ANKHD1: variants seen among roughly 807,000 people sequenced by gnomAD.
ANKHD1 encodes ankyrin repeat and KH domain-containing protein 1.
A neutral mutation model predicts 230.5 loss-of-function variants in ANKHD1; 31 were observed. That is an observed-to-expected ratio of 0.13 (90% CI 0.10 to 0.18). The LOEUF is 0.18. ANKHD1 is among the 10% of genes least tolerant of loss of function. The pLI, the probability that ANKHD1 is intolerant of heterozygous loss-of-function variation, is 1.00. For synonymous variants in ANKHD1, 1,074 were observed against 1,117.6 expected (o/e 0.96, Z 0.78); for missense variants, 2,256 against 3,071.3 (o/e 0.73, Z 6.27).
At chr5:140,470,884 C>T (rs1333375774) in intron 10 of ANKHD1, among the ~76,000 whole-genome samples, 1 of 152,082 alleles carries the variant, frequency 6.6e-6, no homozygotes, top group Non-Finnish European at 1.5e-5. Flanking sequence ...ACCTTAGCTT[C>T]CCAAGTTACT....
intron 14 of ANKHD1, among the ~76,000 whole-genome samples, chr5:140,494,430 G>A (rs540557983): frequency 4.6e-4 from 70 of 152,250 alleles, no homozygotes; most frequent in African/African-American, 1.6e-3. Flanking sequence ...AACATAGCAA[G>A]ATCCCATCTC....
intron 29 of ANKHD1, among the ~76,000 whole-genome samples, chr5:140,531,740 C>T (rs539603421): frequency 1.6e-4 from 25 of 152,120 alleles, no homozygotes; most frequent in African/African-American, 5.5e-4. Flanking sequence ...CATATGATCC[C>T]ATTATTCTAC....
At chr5:140,522,668 G>T (rs551000120) in intron 24 of ANKHD1, among the ~76,000 whole-genome samples, 1 of 152,068 alleles carries the variant, frequency 6.6e-6, no homozygotes, top group Admixed American at 6.6e-5. Context: ...TTATTTCTCT[G>T]GAGCATGTAC....
Position 140,485,040 on chromosome 5 carries a change from CA to C in ANKHD1, c.1871-75del, listed in dbSNP as rs1561787286. 1.3e-6 allele frequency: 2 copies of C among 1,496,990 alleles called. No individual in the cohort carries two copies. The highest frequency in any genetic ancestry group is 8.9e-7 in the Non-Finnish European group (1 of 1,117,360). The allele number at this position is 1,496,990 out of a possible 1,614,324, so 92.7% of individuals were successfully genotyped here. ...TTTTTTGTATCTACATTATACTTCA[CA>C]AAAAATTTTTAAATGATATTGACTA... is the stretch of plus-strand genomic sequence containing the variant. On this transcript the variant is annotated intron_variant, in intron 11 of 33. Transcript: ENST00000360839. This position sits in a 1 kb window ranked among gnomAD's most constrained non-coding sequence, Gnocchi z 4.8.
intron 1 of ANKHD1, among the ~76,000 whole-genome samples, chr5:140,433,607 GTCTT>G (rs1773225007): frequency 6.6e-6 from 1 of 152,068 alleles, no homozygotes; most frequent in Non-Finnish European, 1.5e-5. Flanking sequence ...AGTTGTTGGA[GTCTT>G]TCTTATTTCT....
intron 29 of ANKHD1, among the ~76,000 whole-genome samples, chr5:140,534,108 T>G (rs1011437321): frequency 6.6e-6 from 1 of 152,056 alleles, no homozygotes; most frequent in African/African-American, 2.4e-5. Flanking sequence ...AATGGAAATA[T>G]GAGGCTGGGT....
intron 7 of ANKHD1, among the ~76,000 whole-genome samples, chr5:140,456,051 G>A (rs1391082587): frequency 6.6e-6 from 1 of 152,148 alleles, no homozygotes; most frequent in Admixed American, 6.5e-5. Context: ...AAAATCACAA[G>A]CATTCTTATA....
intron 15 of ANKHD1, among the ~76,000 whole-genome samples, chr5:140,500,078 AG>A (rs1752217324): frequency 2.0e-5 from 3 of 152,092 alleles, no homozygotes; most frequent in Admixed American, 2.0e-4. Flanking sequence ...CATGTTGGCC[AG>A]GCTGCTTTCA....
At chr5:140,495,612 TTA>T (rs1751999070) in intron 14 of ANKHD1, among the ~76,000 whole-genome samples, 1 of 152,168 alleles carries the variant, frequency 6.6e-6, no homozygotes, top group Non-Finnish European at 1.5e-5. Context: ...GTCAAAAAAT[TTA>T]TGTCCTTCAT....
At chr5:140,458,487 A>G in intron 7 of ANKHD1, 138 bp from the exon 8 acceptor site, 1 of 786,366 alleles carries the variant, frequency 1.3e-6, no homozygotes, top group South Asian at 2.1e-5. Context: ...ATGATAATAT[A>G]TATGCTGTCT....
At chr5:140,463,734 T>A (rs1775885796) in intron 9 of ANKHD1, among the ~76,000 whole-genome samples, 1 of 152,028 alleles carries the variant, frequency 6.6e-6, no homozygotes, top group South Asian at 2.1e-4. Context: ...GGGCTCACTG[T>A]AACCTCCGCC....
At chr5:140,516,999 T>G (rs1217941508) in intron 24 of ANKHD1, among the ~76,000 whole-genome samples, 1 of 151,676 alleles carries the variant, frequency 6.6e-6, no homozygotes, top group Non-Finnish European at 1.5e-5. Context: ...ACTGGCAAAT[T>G]GGATAAAGAG....
At chr5:140,499,059 T>C (rs903020876) in intron 15 of ANKHD1, among the ~76,000 whole-genome samples, 2 of 152,076 alleles carry the variant, frequency 1.3e-5, no homozygotes, top group Non-Finnish European at 2.9e-5. Context: ...TACCACATTG[T>C]ACAATATTCT....
At position 140,510,253 on chromosome 5, in the gene ANKHD1, T is replaced by C; in HGVS notation, c.4104+72T>C. The C allele has an allele frequency of 3.4e-6, 5 of 1,473,042 alleles. No homozygotes were observed. In the South Asian group the frequency reaches 5.9e-5, roughly 17 times the overall value. 91.2% of individuals were successfully genotyped at this position (1,473,042 alleles called of 1,614,324 possible). ...GTTAAAACCATGTGAGAAAGATAAG[T>C]TTATCTTGGAGAATTGAGTATATTT... is the stretch of plus-strand genomic sequence containing the variant. On this transcript the variant is annotated intron_variant, in intron 22 of 33. Coordinates refer to ENST00000360839, the MANE Select transcript of ANKHD1 (RefSeq NM_017747.3).
Position 140,527,422 on chromosome 5 carries a change from A to C in ANKHD1, c.5087+348A>C, listed in dbSNP as rs1753654002. ...GATTCAGAATACATGTCAGCTCATC[A>C]TTGACCTGAGGCTTTATTTTTTATT... On this transcript the variant is annotated intron_variant, in intron 27 of 33. Coordinates refer to ENST00000360839, the MANE Select transcript of ANKHD1 (RefSeq NM_017747.3). The surrounding 1 kb of genome is among the most constrained non-coding windows in gnomAD (Gnocchi z 4.5). 4.4e-6 allele frequency: 1 copy of C among 227,322 alleles called. No individual in the cohort carries two copies. Among genetic ancestry groups the C allele is most frequent in the African/African-American group, 2.3e-5 (1 of 42,804 alleles). 14.1% of individuals were successfully genotyped at this position (227,322 alleles called of 1,614,324 possible).
chr5:140,497,181 T>C lies in ANKHD1; in HGVS notation c.2907T>C (p.Thr969=), dbSNP rs771569439. 5 of 1,613,788 alleles carry C rather than the reference T, an allele frequency of 3.1e-6. No individual in the cohort carries two copies. The highest frequency in any genetic ancestry group is 3.4e-6 in the Non-Finnish European group (4 of 1,180,024). ...TAGGACAGCCTCAGATTGCTATTAC[T>C]GGACATGATCAGGGGCTGTTAGTTC... ...QIVGQPQIAI[T]GHDQGLLVQE... The change falls in exon 15 of 34, where the codon ACT becomes ACC. Residue 969 remains threonine, a synonymous_variant. Coordinates refer to ENST00000360839, the MANE Select transcript of ANKHD1 (RefSeq NM_017747.3).
intron 1 of ANKHD1, among the ~76,000 whole-genome samples, chr5:140,426,097 T>C (rs72798872): frequency 0.015 from 2,328 of 152,312 alleles, 39 homozygotes; most frequent in Non-Finnish European, 0.019. Context: ...TTAAAATACC[T>C]TCCCATTTTA....
At chr5:140,514,295 G>A (rs999732450) in intron 24 of ANKHD1, among the ~76,000 whole-genome samples, 1 of 151,652 alleles carries the variant, frequency 6.6e-6, no homozygotes, top group African/African-American at 2.4e-5. Context: ...CAGAGTTTGA[G>A]ACCAGCCTGG....
intron 10 of ANKHD1, among the ~76,000 whole-genome samples, chr5:140,479,154 C>A (rs994966339): frequency 2.0e-5 from 3 of 151,620 alleles, no homozygotes; most frequent in Non-Finnish European, 4.4e-5. Context: ...CCCGCCACCA[C>A]GCCCGGCTAA....
Sources: gnomAD v4.1 joint callset for allele counts (sites outside exome capture counted in the v4.1 genomes callset) on GRCh38, gnomAD v4.1.1 for gene constraint, Gnocchi (gnomAD v3.1) non-coding constraint, MANE v1.5 for transcripts, NCBI Gene and HGNC (gene_info 2026-07-23, HGNC 2026-07-21) for gene names.